Variants in DHRSX observed in about 807,000 individuals in gnomAD.
DHRSX encodes the protein dehydrogenase/reductase X-linked.
DHRSX carries 31 observed loss-of-function variants against 34.0 expected under a neutral mutation model. The ratio of observed to expected loss-of-function variants is 0.91; its 90% CI spans 0.69 to 1.23. DHRSX has a LOEUF of 1.23. Ranked by LOEUF, DHRSX falls within the 50% of genes most tolerant of loss-of-function variation. The pLI is 0.00. For missense variants in DHRSX, 414 were observed against 428.1 expected (o/e 0.97, Z 0.29); for synonymous variants, 201 against 183.8 (o/e 1.09, Z -0.76).
chrX:2,308,407 TAACAATTGTTCAAC>T (rs2042125971), intron 3 of DHRSX, among the ~76,000 whole-genome samples: 1 of 152,060 alleles, frequency 6.6e-6, no homozygotes, highest in Non-Finnish European at 1.5e-5. Flanking sequence ...ACAATTGTTT[TAACAATTGTTCAAC>T]AATTGTTAAA....
At chrX:2,469,465 AC>A (rs1260683149) in intron 1 of DHRSX, among the ~76,000 whole-genome samples, 1 of 151,386 alleles carries the variant, frequency 6.6e-6, no homozygotes, top group Non-Finnish European at 1.5e-5. Flanking sequence ...AGGGACCGCC[AC>A]CCTATACACA....
intron 2 of DHRSX, among the ~76,000 whole-genome samples, chrX:2,420,602 G>A (rs2043767057): frequency 6.6e-6 from 1 of 151,016 alleles, no homozygotes; most frequent in African/African-American, 2.4e-5. Context: ...AATTAGCTGG[G>A]TGTGGTGGTG....
intron 1 of DHRSX, among the ~76,000 whole-genome samples, chrX:2,443,989 A>G (rs1327263173): frequency 1.4e-5 from 2 of 146,454 alleles, no homozygotes; most frequent in South Asian, 2.3e-4. Context: ...TGGGCGACAG[A>G]GCGAGACTCC....
At chrX:2,355,853 G>C (rs1254683450) in intron 3 of DHRSX, among the ~76,000 whole-genome samples, 1 of 152,098 alleles carries the variant, frequency 6.6e-6, no homozygotes, top group African/African-American at 2.4e-5. Flanking sequence ...ATCATCTAAA[G>C]TCGGGAGTTT....
chrX:2,353,663 A>C (rs1395664322), intron 3 of DHRSX, among the ~76,000 whole-genome samples: 1 of 147,642 alleles, frequency 6.8e-6, no homozygotes, highest in South Asian at 2.1e-4. Flanking sequence ...GGCTCACCTC[A>C]ATCTCCGCCT....
intron 3 of DHRSX, among the ~76,000 whole-genome samples, chrX:2,402,206 G>A (rs2043494787): frequency 6.6e-6 from 1 of 152,194 alleles, no homozygotes; most frequent in Non-Finnish European, 1.5e-5. Flanking sequence ...AAATCCACAT[G>A]GCTGAACCGG....
At chrX:2,284,049 C>T (rs924188521) in intron 4 of DHRSX, among the ~76,000 whole-genome samples, 6 of 152,086 alleles carry the variant, frequency 3.9e-5, no homozygotes, top group Non-Finnish European at 7.4e-5. Flanking sequence ...TTCATTCGTT[C>T]CTTTGACTTC....
intron 1 of DHRSX, among the ~76,000 whole-genome samples, chrX:2,458,717 G>T (rs2044348851): frequency 6.6e-6 from 1 of 152,090 alleles, no homozygotes; most frequent in African/African-American, 2.4e-5. Flanking sequence ...TCAGTTGGAG[G>T]CCAGGAGCGG....
At chrX:2,367,448 AAAAAAG>A in intron 3 of DHRSX, among the ~76,000 whole-genome samples, 1 of 151,506 alleles carries the variant, frequency 6.6e-6, no homozygotes, top group African/African-American at 2.4e-5. Context: ...AAAAAAAAAG[AAAAAAG>A]AAAAAAAAAA....
intron 1 of DHRSX, among the ~76,000 whole-genome samples, chrX:2,493,034 G>A (rs971745551): frequency 6.6e-6 from 1 of 152,250 alleles, no homozygotes; most frequent in Non-Finnish European, 1.5e-5. Flanking sequence ...CACGTGCCAG[G>A]TGAGCTGGGC....
intron 2 of DHRSX, among the ~76,000 whole-genome samples, chrX:2,412,423 A>G (rs2043643194): frequency 6.6e-6 from 1 of 152,126 alleles, no homozygotes; most frequent in Non-Finnish European, 1.5e-5. Context: ...GTGCTTGGAC[A>G]GGAGACTATA....
intron 5 of DHRSX, among the ~76,000 whole-genome samples, chrX:2,253,389 GCCACGGCAC>G (rs2016484489): frequency 8.3e-6 from 1 of 120,892 alleles, no homozygotes; most frequent in Admixed American, 9.3e-5. Flanking sequence ...CCAAGATGGC[GCCACGGCAC>G]TCCAGCCTAG....
chrX:2,356,696 C>G (rs1020444463), intron 3 of DHRSX, among the ~76,000 whole-genome samples: 6 of 152,158 alleles, frequency 3.9e-5, no homozygotes, highest in African/African-American at 1.4e-4. Context: ...CCTCCTCAGC[C>G]TCCTCCATGT....
At chrX:2,223,011 A>G (rs2015555400) in intron 6 of DHRSX, among the ~76,000 whole-genome samples, 1 of 152,132 alleles carries the variant, frequency 6.6e-6, no homozygotes, top group African/African-American at 2.4e-5. Flanking sequence ...CCTAAAAAGA[A>G]ATGGATGGAG....
At chrX:2,233,289 A>C (rs2015940259) in intron 6 of DHRSX, among the ~76,000 whole-genome samples, 1 of 152,000 alleles carries the variant, frequency 6.6e-6, no homozygotes, top group Admixed American at 6.6e-5. Context: ...CAGGGAAATG[A>C]AAGTTGTCTT....
chrX:2,276,319 C>T (rs745952660), intron 4 of DHRSX, among the ~76,000 whole-genome samples: 39 of 152,308 alleles, frequency 2.6e-4, no homozygotes, highest in African/African-American at 7.5e-4. Flanking sequence ...GTCAGTGTAT[C>T]GGGTGCCGTC....
At chrX:2,246,758 G>GAAAAAGAAAT (rs2016307438) in intron 5 of DHRSX, among the ~76,000 whole-genome samples, 1 of 148,722 alleles carries the variant, frequency 6.7e-6, no homozygotes, top group African/African-American at 2.5e-5. Flanking sequence ...GAAAAAGAAA[G>GAAAAAGAAAT]AAAATAAAAG....
At chrX:2,363,597 A>G (rs183108153) in intron 3 of DHRSX, among the ~76,000 whole-genome samples, 1 of 145,430 alleles carries the variant, frequency 6.9e-6, no homozygotes, top group Admixed American at 6.8e-5. Flanking sequence ...TCACTGTTCT[A>G]TGGTATCATG....
At chrX:2,231,227 T>C (rs923033685) in intron 6 of DHRSX, among the ~76,000 whole-genome samples, 25 of 151,992 alleles carry the variant, frequency 1.6e-4, no homozygotes, top group Admixed American at 9.2e-4. Flanking sequence ...CACCAGAGAG[T>C]CCATCACAGA....
Sources: allele counts gnomAD v4.1 joint callset (sites outside exome capture counted in the v4.1 genomes callset), GRCh38; gene constraint gnomAD v4.1.1; transcripts MANE v1.5; gene names NCBI Gene and HGNC (gene_info 2026-07-23, HGNC 2026-07-21).